FBXW11: variants seen among roughly 807,000 people sequenced by gnomAD.
FBXW11 encodes F-box/WD repeat-containing protein 11.
Under a neutral mutation model 77.6 loss-of-function variants are expected in FBXW11, and 19 were observed. The observed-to-expected ratio is 0.24, with a 90% CI of 0.17 to 0.36. The LOEUF (loss-of-function observed/expected upper bound fraction) is 0.36, where lower values mean the gene tolerates loss of function less well. FBXW11 is among the 10% of genes least tolerant of loss of function. The pLI, the probability that FBXW11 is intolerant of heterozygous loss-of-function variation, is 1.00. For missense variants in FBXW11, 334 were observed against 704.2 expected, an observed-to-expected ratio of 0.47 and a Z score of 5.95; for synonymous variants, 235 against 249.4, an observed-to-expected ratio of 0.94 and a Z score of 0.54.
rs1227811876 is a variant in FBXW11, at chr5:171,861,961, C to A, written c.*2166G>T. 6.6e-6 allele frequency: 1 copy of A among 152,594 alleles called. No individual in the cohort carries two copies. Among genetic ancestry groups the A allele is most frequent in the East Asian group, 1.9e-4 (1 of 5,200 alleles). 9.5% of individuals were successfully genotyped at this position (152,594 alleles called of 1,614,324 possible). On this transcript the variant is annotated 3_prime_UTR_variant, in exon 14 of 14. Coordinates refer to ENST00000517395, the MANE Select transcript of FBXW11 (RefSeq NM_001378974.1). ...CTATTATAATCCCAGAAAGTCAGAA[C>A]TCCTTGGGTGCCAAAGTCCCCTGCT... is the stretch of plus-strand genomic sequence containing the variant.
At chr5:171,893,885 G>GT (rs1286142174) in intron 6 of FBXW11, among the ~76,000 whole-genome samples, 1 of 152,026 alleles carries the variant, frequency 6.6e-6, no homozygotes, top group Non-Finnish European at 1.5e-5. Context: ...GAAGCAGTAA[G>GT]TAGCTTTGTT....
intron 1 of FBXW11, among the ~76,000 whole-genome samples, chr5:172,000,401 G>C (rs1766342730): frequency 1.3e-5 from 2 of 152,164 alleles, no homozygotes; most frequent in South Asian, 4.1e-4. Context: ...TGTAGTTACA[G>C]CATAGATCTA....
chr5:171,912,551 A>T (rs1760946410), intron 3 of FBXW11, among the ~76,000 whole-genome samples: 1 of 152,224 alleles, frequency 6.6e-6, no homozygotes, highest in African/African-American at 2.4e-5. Context: ...GCAACTATTT[A>T]AAACAAATTC....
In FBXW11 at chr5:171,963,464, G is replaced by A. The variant is rs773724240; in HGVS notation, c.46-5766C>T. Among the ~76,000 whole-genome samples the A allele has an allele frequency of 2.6e-5, 4 of 152,176 alleles. 1 individual carries two copies. The highest frequency in any genetic ancestry group is 3.8e-4 in the East Asian group (2 of 5,196). On this transcript the variant is annotated intron_variant, in intron 1 of 13. Coordinates refer to ENST00000517395, the MANE Select transcript of FBXW11 (RefSeq NM_001378974.1). The stretch of plus-strand genomic sequence containing the variant: ...ATTAGAGAGACAGGGAGGGACCAGA[G>A]GTCTCTCTATCAAACTTGTGACTTA...
intron 1 of FBXW11, among the ~76,000 whole-genome samples, chr5:172,004,025 T>C (rs142948303): frequency 4.5e-4 from 69 of 152,324 alleles, no homozygotes; most frequent in African/African-American, 1.6e-3. Context: ...CAAAACACCA[T>C]CAGTTTAACC....
At chr5:171,966,429 G>A (rs1009384853) in intron 1 of FBXW11, among the ~76,000 whole-genome samples, 4 of 152,182 alleles carry the variant, frequency 2.6e-5, no homozygotes, top group Non-Finnish European at 2.9e-5. Context: ...TACAGAAGCT[G>A]GAGGAGGAAA....
chr5:171,974,684 A>G lies in FBXW11; in HGVS notation c.46-16986T>C, dbSNP rs548709483. 1.8e-4 allele frequency among the ~76,000 whole-genome samples: 28 copies of G among 152,284 alleles called. No homozygotes were observed. In the South Asian group the frequency reaches 5.4e-3, roughly 29 times the overall value. On this transcript the variant is annotated intron_variant, in intron 1 of 13. Transcript: ENST00000517395. Reference sequence around the variant, plus strand: ...CAGTGTGCTACGACTGCACCTATAAATATTCACTGCACTTCAGCCTGGGCA... The same window carrying G: ...CAGTGTGCTACGACTGCACCTATAAGTATTCACTGCACTTCAGCCTGGGCA...
At chr5:171,959,998 T>A (rs1763819883) in intron 1 of FBXW11, among the ~76,000 whole-genome samples, 1 of 152,132 alleles carries the variant, frequency 6.6e-6, no homozygotes, top group Non-Finnish European at 1.5e-5. Flanking sequence ...ACACTCTCTA[T>A]CCAGAGATAT....
intron 2 of FBXW11, among the ~76,000 whole-genome samples, chr5:171,948,698 A>G (rs1026643953): frequency 6.6e-6 from 1 of 152,378 alleles, no homozygotes; most frequent in East Asian, 1.9e-4. Flanking sequence ...GCAACATAAT[A>G]AATGTCTATA....
chr5:171,898,936 C>T, intron 6 of FBXW11, 68 bp downstream of exon 6: 1 of 1,050,066 alleles, frequency 9.5e-7, no homozygotes, highest in Admixed American at 2.5e-5. Context: ...AAAGAACACT[C>T]TAAGGCAACA....
At chr5:171,982,224 C>G (rs1277526077) in intron 1 of FBXW11, among the ~76,000 whole-genome samples, 2 of 152,042 alleles carry the variant, frequency 1.3e-5, no homozygotes, top group African/African-American at 2.4e-5. Context: ...CTACCACGCA[C>G]CCATTAGAAG....
At chr5:171,976,830 T>G (rs191893715) in intron 1 of FBXW11, among the ~76,000 whole-genome samples, 10 of 152,186 alleles carry the variant, frequency 6.6e-5, no homozygotes, top group Admixed American at 5.2e-4. Context: ...GTGGATCACC[T>G]GAGGTCAGGA....
chr5:171,988,648 C>G (rs1252229891), intron 1 of FBXW11, among the ~76,000 whole-genome samples: 1 of 151,696 alleles, frequency 6.6e-6, no homozygotes, highest in Non-Finnish European at 1.5e-5. Flanking sequence ...AGTTTGAGAC[C>G]AGTCTGGCCA....
intron 1 of FBXW11, among the ~76,000 whole-genome samples, chr5:171,966,214 A>G (rs1764178855): frequency 6.6e-6 from 1 of 152,236 alleles, no homozygotes; most frequent in Admixed American, 6.5e-5. Context: ...CCAGGAATTA[A>G]TTTTGAGTCC....
chr5:172,004,942 C>G (rs1766643972), intron 1 of FBXW11, among the ~76,000 whole-genome samples: 1 of 151,908 alleles, frequency 6.6e-6, no homozygotes, highest in Non-Finnish European at 1.5e-5. Flanking sequence ...TCCTAGTTTT[C>G]AAGAATGCTA....
intron 1 of FBXW11, among the ~76,000 whole-genome samples, chr5:171,982,774 GA>G (rs1336043164): frequency 6.6e-6 from 1 of 152,116 alleles, no homozygotes; most frequent in African/African-American, 2.4e-5. Flanking sequence ...TAGGCCTCAG[GA>G]AACGGAATCT....
At chr5:171,882,234 A>C (rs1389430034) in intron 7 of FBXW11, among the ~76,000 whole-genome samples, 4 of 152,172 alleles carry the variant, frequency 2.6e-5, no homozygotes, top group Admixed American at 6.5e-5. Flanking sequence ...CATCCCACAG[A>C]TTTTGATAAC....
intron 1 of FBXW11, among the ~76,000 whole-genome samples, chr5:171,964,165 C>T (rs183163830): frequency 8.8e-4 from 134 of 152,298 alleles, no homozygotes; most frequent in Admixed American, 1.7e-3. Context: ...TTCAGATGGG[C>T]TACAAAGAGT....
chr5:171,943,789 A>G (rs1762866084), intron 2 of FBXW11, among the ~76,000 whole-genome samples: 1 of 152,230 alleles, frequency 6.6e-6, no homozygotes, highest in Non-Finnish European at 1.5e-5. Flanking sequence ...CTGACTCAAC[A>G]TATATTCAAA....
Sources: allele counts gnomAD v4.1 joint callset (sites outside exome capture counted in the v4.1 genomes callset), GRCh38; gene constraint gnomAD v4.1.1; transcripts MANE v1.5; gene names NCBI Gene and HGNC (gene_info 2026-07-23, HGNC 2026-07-21).